Variants in BPTF observed in about 807,000 individuals in gnomAD.
The protein encoded by BPTF is nucleosome-remodeling factor subunit BPTF.
Under a neutral mutation model 292.5 loss-of-function variants are expected in BPTF, and 18 were observed. The ratio of observed to expected loss-of-function variants is 0.06; its 90% CI spans 0.04 to 0.09. The LOEUF is 0.09. BPTF is among the 10% of genes least tolerant of loss of function. The pLI, the probability that BPTF is intolerant of heterozygous loss-of-function variation, is 1.00. For synonymous variants in BPTF, 1,225 were observed against 1,251.9 expected (o/e 0.98, Z 0.45); for missense variants, 2,726 against 3,498.7 (o/e 0.78, Z 5.57).
intron 1 of BPTF, among the ~76,000 whole-genome samples, chr17:67,847,339 A>AC (rs1343567777): frequency 6.6e-6 from 1 of 151,754 alleles, no homozygotes; most frequent in Non-Finnish European, 1.5e-5. Context: ...ACATGGTGAA[A>AC]CCCCATCTCT....
At chr17:67,945,234 G>A (rs946211141) in intron 20 of BPTF, among the ~76,000 whole-genome samples, 175 bp from the exon 21 acceptor site, 5 of 150,984 alleles carry the variant, frequency 3.3e-5, no homozygotes, top group African/African-American at 1.2e-4. Context: ...GTGTAGAGAC[G>A]GGGTCTCACT....
At chr17:67,906,718 T>C (rs561324392) in intron 9 of BPTF, among the ~76,000 whole-genome samples, 1 of 152,328 alleles carries the variant, frequency 6.6e-6, no homozygotes, top group Admixed American at 6.5e-5. Flanking sequence ...AAAATAGATA[T>C]ATTTTTTATA....
At position 67,829,576 on chromosome 17, in the gene BPTF, A is replaced by G. The variant is rs77218471; in HGVS notation, c.613+3239A>G. On this transcript the variant is annotated intron_variant, in intron 1 of 27. Transcript: ENST00000306378. ...CAGTGAGTTGATTAGGCTAAGTACC[A>G]GTTTCATTGGTTTTTTAGTCTGTAC... 6.6e-3 allele frequency among the ~76,000 whole-genome samples: 1,007 copies of G among 151,582 alleles called. 26 individuals are homozygous for G. Among genetic ancestry groups the G allele is most frequent in the East Asian group, 0.066 (339 of 5,152 alleles).
At chr17:67,879,224 C>T (rs920536946) in intron 4 of BPTF, among the ~76,000 whole-genome samples, 2 of 150,630 alleles carry the variant, frequency 1.3e-5, no homozygotes, top group Admixed American at 1.3e-4. Context: ...TCACCACAAC[C>T]TCTGCCTTCC....
intron 19 of BPTF, among the ~76,000 whole-genome samples, chr17:67,940,958 A>G (rs1336070805): frequency 1.3e-5 from 2 of 152,222 alleles, no homozygotes; most frequent in African/African-American, 4.8e-5. Context: ...GCTTCCTTGC[A>G]AGACTCGATA....
chr17:67,864,963 C>G (rs993582395), intron 2 of BPTF, among the ~76,000 whole-genome samples: 1 of 152,120 alleles, frequency 6.6e-6, no homozygotes, highest in African/African-American at 2.4e-5. Context: ...TGCCACCATG[C>G]CCGGCTAATT....
At chr17:67,849,368 C>T (rs2058244853) in intron 1 of BPTF, among the ~76,000 whole-genome samples, 2 of 152,138 alleles carry the variant, frequency 1.3e-5, no homozygotes, top group Non-Finnish European at 2.9e-5. Context: ...TTTAGTAGGC[C>T]TGGGCTTGGG....
intron 9 of BPTF, 76 bp downstream of exon 9, chr17:67,904,916 ATATTT>A: frequency 8.4e-7 from 1 of 1,192,840 alleles, no homozygotes; most frequent in South Asian, 2.0e-5. Flanking sequence ...TATTTTGACT[ATATTT>A]TAGATAAAAA....
At position 67,946,324 on chromosome 17, in the gene BPTF, A is replaced by G; in HGVS notation, c.7616A>G (p.Gln2539Arg). Residue 2539 changes from glutamine (Q) to arginine (R), a missense_variant and splice_region_variant, in exon 21 of 28, where the codon CAG becomes CGG. Coordinates refer to ENST00000306378, the MANE Select transcript of BPTF (RefSeq NM_182641.4). ...ASNQSEIIQK[Q>R]VVMKHNAVIE... Reference sequence around the variant, plus strand: ...AATCAAAGTGAAATCATTCAGAAACAGGTAAAGTTATTAAGTAAAAGCAGC... The same window carrying G: ...AATCAAAGTGAAATCATTCAGAAACGGGTAAAGTTATTAAGTAAAAGCAGC... The G allele has an allele frequency of 6.2e-7, 1 of 1,612,912 alleles. No individual in the cohort carries two copies. The highest frequency in any genetic ancestry group is 8.5e-7 in the Non-Finnish European group (1 of 1,179,446).
chr17:67,934,870 C>CAAAAAAAAAAAA (rs569120237), intron 18 of BPTF, among the ~76,000 whole-genome samples: 40 of 90,974 alleles, frequency 4.4e-4, no homozygotes, highest in African/African-American at 2.2e-3. Flanking sequence ...AACTCTGTCT[C>CAAAAAAAAAAAA]AAAAAAAAAA....
intron 4 of BPTF, among the ~76,000 whole-genome samples, chr17:67,878,390 C>T (rs1329241387): frequency 6.6e-6 from 1 of 152,082 alleles, no homozygotes. Context: ...ATGTGCATTT[C>T]TGGAGGTACA....
At chr17:67,921,774 G>A (rs2147217934) in intron 13 of BPTF, among the ~76,000 whole-genome samples, 1 of 152,278 alleles carries the variant, frequency 6.6e-6, no homozygotes, top group South Asian at 2.1e-4. Flanking sequence ...GCTTCCGCCT[G>A]TAATTCCAGC....
chr17:67,871,902 T>C (rs1240693063), intron 3 of BPTF, among the ~76,000 whole-genome samples: 2 of 152,130 alleles, frequency 1.3e-5, no homozygotes, highest in African/African-American at 4.8e-5. Context: ...CTCGGCTCAC[T>C]GCAACCTCTG....
At chr17:67,883,338 C>A (rs1316608728) in intron 4 of BPTF, among the ~76,000 whole-genome samples, 2 of 151,798 alleles carry the variant, frequency 1.3e-5, no homozygotes, top group African/African-American at 2.4e-5. Flanking sequence ...TAATAATAAT[C>A]CTTTGTGTAG....
At chr17:67,879,266 C>T (rs1019839706) in intron 4 of BPTF, among the ~76,000 whole-genome samples, 6 of 151,612 alleles carry the variant, frequency 4.0e-5, no homozygotes, top group South Asian at 2.1e-4. Context: ...CTCAGCCTCC[C>T]AAATAGCTGG....
At position 67,945,523 on chromosome 17, in the gene BPTF, C is replaced by T. The variant is rs1208069663; in HGVS notation, c.6815C>T (p.Thr2272Ile). 1.2e-6 allele frequency: 2 copies of T among 1,613,898 alleles called. No individual in the cohort carries two copies. The highest frequency in any genetic ancestry group is 1.7e-6 in the Non-Finnish European group (2 of 1,179,990). ...SVGPAEAQPQ[T>I]AQPSAQPQPQ... ...GGTCCAGCAGAAGCCCAGCCACAGA[C>T]TGCTCAGCCTTCAGCTCAGCCCCAG... is the stretch of plus-strand genomic sequence containing the variant. The change falls in exon 21 of 28, where the codon ACT (threonine) becomes ATT (isoleucine). Residue 2272 changes from threonine (T) to isoleucine (I), a missense_variant. Thr to Ile is a moderately conservative substitution (Grantham distance 89). Around this residue, in one of 22 missense-constraint regions of BPTF, gnomAD observed 570 missense variants for 633.5 expected, o/e 0.90. Transcript: ENST00000306378.
intron 23 of BPTF, among the ~76,000 whole-genome samples, chr17:67,949,884 G>C (rs892136670): frequency 6.6e-6 from 1 of 150,800 alleles, no homozygotes; most frequent in Non-Finnish European, 1.5e-5. Flanking sequence ...GTGAAACTCC[G>C]TCTCTACTAA....
chr17:67,826,586 C>G (rs1374416981), intron 1 of BPTF, among the ~76,000 whole-genome samples: 1 of 147,992 alleles, frequency 6.8e-6, no homozygotes, highest in African/African-American at 2.5e-5. Context: ...TCTCTCCCCC[C>G]CCCAACCCCC....
intron 15 of BPTF, among the ~76,000 whole-genome samples, chr17:67,926,036 ACT>A (rs1293669645): frequency 9.3e-6 from 1 of 107,516 alleles, no homozygotes; most frequent in East Asian, 2.8e-4. Flanking sequence ...ACAAGGTCTC[ACT>A]CTCTTGCCCA....
Sources: gnomAD v4.1 joint callset for allele counts (sites outside exome capture counted in the v4.1 genomes callset) on GRCh38, gnomAD v4.1.1 for gene constraint, gnomAD v4.1.1 regional missense constraint, MANE v1.5 for transcripts, NCBI Gene and HGNC (gene_info 2026-07-23, HGNC 2026-07-21) for gene names.